DLG2: variants seen among roughly 807,000 people sequenced by gnomAD.
The protein encoded by DLG2 is disks large homolog 2.
A neutral mutation model predicts 132.5 loss-of-function variants in DLG2; 45 were observed. The observed-to-expected ratio is 0.34, with a 90% CI of 0.27 to 0.44. The LOEUF (loss-of-function observed/expected upper bound fraction) is 0.44. DLG2 is among the 20% of genes least tolerant of loss of function. The probability of loss-of-function intolerance (pLI) is 1.00; values close to 1 mark genes in which losing one functional copy is unlikely to be tolerated. For missense variants in DLG2, 1,045 were observed against 1,196.9 expected, an observed-to-expected ratio of 0.87 and a Z score of 1.87; for synonymous variants, 424 against 419.6, an observed-to-expected ratio of 1.01 and a Z score of -0.13.
intron 6 of DLG2, among the ~76,000 whole-genome samples, chr11:85,063,882 G>A (rs1407471210): frequency 6.6e-6 from 1 of 151,734 alleles, no homozygotes; most frequent in Non-Finnish European, 1.5e-5. Flanking sequence ...TTATATGCAA[G>A]GCACTCATCT....
chr11:85,551,972 T>C (rs1477158518), intron 3 of DLG2, among the ~76,000 whole-genome samples: 2 of 151,072 alleles, frequency 1.3e-5, no homozygotes, highest in Non-Finnish European at 3.0e-5. Context: ...GGTCCAAATA[T>C]ATATACCCCT....
In DLG2 at chr11:84,502,247, C is replaced by CTTCTTTCTTTCTTTCT; in HGVS notation, c.519+32322_519+32323insAGAAAGAAAGAAAGAA. Among the ~76,000 whole-genome samples the CTTCTTTCTTTCTTTCT allele has an allele frequency of 5.7e-5, 2 of 35,202 alleles. 1 individual carries two copies. The highest frequency in any genetic ancestry group is 3.1e-3 in the South Asian group (2 of 648). 23.1% of individuals were successfully genotyped at this position (35,202 alleles called of 152,430 possible). On this transcript the variant is annotated intron_variant, in intron 7 of 27. Transcript: ENST00000376104. ...CCTTCCTTCCTTCCTTCCTTCCTTC[C>CTTCTTTCTTTCTTTCT]TTCCTTCCTTCCTTCCTTCCTTCCT...
At chr11:85,276,164 T>C (rs1409740009) in intron 4 of DLG2, among the ~76,000 whole-genome samples, 1 of 152,142 alleles carries the variant, frequency 6.6e-6, no homozygotes, top group East Asian at 1.9e-4. Context: ...TGAACAAATC[T>C]TACTCTCTCA....
At chr11:84,042,752 A>C (rs2096125284) in intron 11 of DLG2, among the ~76,000 whole-genome samples, 1 of 151,848 alleles carries the variant, frequency 6.6e-6, no homozygotes, top group Non-Finnish European at 1.5e-5. Context: ...ATGGAATTGG[A>C]GCCATTATCC....
chr11:85,458,648 T>C (rs1343567931), intron 3 of DLG2, among the ~76,000 whole-genome samples: 1 of 152,208 alleles, frequency 6.6e-6, no homozygotes, highest in Non-Finnish European at 1.5e-5. Flanking sequence ...AAGGTCTTAT[T>C]TGTAGTTGAA....
At chr11:85,094,471 C>A (rs988410051) in intron 6 of DLG2, among the ~76,000 whole-genome samples, 2 of 152,202 alleles carry the variant, frequency 1.3e-5, no homozygotes, top group Non-Finnish European at 2.9e-5. Flanking sequence ...TAGCCACCTT[C>A]ATCAATGATC....
chr11:84,710,766 C>T (rs931436442), intron 6 of DLG2, among the ~76,000 whole-genome samples: 3 of 151,192 alleles, frequency 2.0e-5, no homozygotes, highest in African/African-American at 2.4e-5. Flanking sequence ...ACATGAAACC[C>T]CATCAAAATT....
chr11:85,522,053 G>C (rs1441972802), intron 3 of DLG2, among the ~76,000 whole-genome samples: 1 of 152,200 alleles, frequency 6.6e-6, no homozygotes, highest in Non-Finnish European at 1.5e-5. Flanking sequence ...GCATGTCAGA[G>C]AGCTTCACAG....
At chr11:83,664,482 G>A in intron 18 of DLG2, among the ~76,000 whole-genome samples, 1 of 151,914 alleles carries the variant, frequency 6.6e-6, no homozygotes. Context: ...AATCTGAGGG[G>A]TGGACAGGTA....
At chr11:84,220,975 T>G (rs1220261201) in intron 8 of DLG2, among the ~76,000 whole-genome samples, 1 of 148,808 alleles carries the variant, frequency 6.7e-6, no homozygotes, top group Admixed American at 6.7e-5. Flanking sequence ...TTTTTTTACT[T>G]TTTTTTTTGG....
rs188634352 is a variant in DLG2, at chr11:85,507,482, T to C, written c.40+91175A>G. 5.3e-5 allele frequency among the ~76,000 whole-genome samples: 8 copies of C among 152,232 alleles called. No homozygotes were observed. In the East Asian group the frequency reaches 1.5e-3, roughly 29 times the overall value. On this transcript the variant is annotated intron_variant, in intron 3 of 27. Coordinates refer to ENST00000376104, the MANE Select transcript of DLG2 (RefSeq NM_001142699.3). ...CCTTCACTTATGAAGCTTAGTTTGG[T>C]TGGATATGAAATTCTGGATTGAAAA...
At chr11:84,151,066 T>A (rs943470655) in intron 9 of DLG2, among the ~76,000 whole-genome samples, 2 of 152,168 alleles carry the variant, frequency 1.3e-5, no homozygotes, top group Middle Eastern at 3.4e-3. Flanking sequence ...TGGCTTGAAG[T>A]TGTCTTTTTT....
rs118113255 is a variant in DLG2 at position 84,622,570 on chromosome 11, C to G, written c.358-87839G>C. ...TTGAGAATCAATGGGACCAGCAACACGTGTTAGGTGTTTCACAGAAGTGGA... is the reference window on the plus strand; with the variant it reads ...TTGAGAATCAATGGGACCAGCAACAGGTGTTAGGTGTTTCACAGAAGTGGA... On this transcript the variant is annotated intron_variant, in intron 6 of 27. Transcript: ENST00000376104. 2.6e-5 allele frequency among the ~76,000 whole-genome samples: 4 copies of G among 152,246 alleles called. No individual in the cohort carries two copies. The East Asian group carries it at 7.7e-4, about 29-fold the overall frequency.
chr11:84,179,824 T>A (rs1179482564), intron 8 of DLG2, among the ~76,000 whole-genome samples: 1 of 152,010 alleles, frequency 6.6e-6, no homozygotes, highest in African/African-American at 2.4e-5. Flanking sequence ...CACCTAAAAT[T>A]GGGGATAAGG....
At chr11:83,751,776 T>A (rs2093325907) in intron 18 of DLG2, among the ~76,000 whole-genome samples, 1 of 152,142 alleles carries the variant, frequency 6.6e-6, no homozygotes. Context: ...AAAGGTCAAT[T>A]TTGGACATGC....
intron 5 of DLG2, among the ~76,000 whole-genome samples, chr11:85,139,860 G>A (rs1466237029): frequency 6.6e-6 from 1 of 151,934 alleles, no homozygotes; most frequent in Admixed American, 6.6e-5. Flanking sequence ...GTAAGTATGT[G>A]TATATGTATA....
chr11:85,233,953 A>G (rs1289047717), intron 4 of DLG2, among the ~76,000 whole-genome samples: 1 of 151,868 alleles, frequency 6.6e-6, no homozygotes, highest in Non-Finnish European at 1.5e-5. Context: ...TAAAGTGCAG[A>G]GAGGTTACAA....
intron 8 of DLG2, among the ~76,000 whole-genome samples, chr11:84,187,078 T>A (rs1019815710): frequency 1.1e-4 from 16 of 150,846 alleles, no homozygotes; most frequent in African/African-American, 3.6e-4. Flanking sequence ...TTCCCAGGCA[T>A]AATTTTTAAG....
intron 15 of DLG2, among the ~76,000 whole-genome samples, chr11:83,876,073 C>A (rs551007939): frequency 1.3e-5 from 2 of 152,246 alleles, no homozygotes; most frequent in Admixed American, 1.3e-4. Context: ...ACTATGTAGC[C>A]AGACTGCCTG....
Sources: gnomAD v4.1 joint callset for allele counts (sites outside exome capture counted in the v4.1 genomes callset) on GRCh38, gnomAD v4.1.1 for gene constraint, MANE v1.5 for transcripts, NCBI Gene and HGNC (gene_info 2026-07-23, HGNC 2026-07-21) for gene names.